DOCK10: variants seen among roughly 807,000 people sequenced by gnomAD.
The protein encoded by DOCK10 is dedicator of cytokinesis 10.
A neutral mutation model predicts 280.1 loss-of-function variants in DOCK10; 145 were observed. That is an observed-to-expected ratio of 0.52 (90% CI 0.45 to 0.59). The LOEUF (loss-of-function observed/expected upper bound fraction) is 0.59, where lower values mean the gene tolerates loss of function less well. DOCK10 is among the 20% of genes least tolerant of loss of function. DOCK10 has a pLI of 0.00. For missense variants in DOCK10, 2,368 were observed against 2,651.7 expected (o/e 0.89, Z 2.35); for synonymous variants, 915 against 942.2 (o/e 0.97, Z 0.53).
chr2:224,846,259 A>G (rs541442916), intron 19 of DOCK10, among the ~76,000 whole-genome samples: 62 of 152,352 alleles, frequency 4.1e-4, no homozygotes, highest in African/African-American at 1.5e-3. Context: ...ACACACACAA[A>G]TGTAACTGCA....
At chr2:224,917,756 T>C (rs537633536) in intron 2 of DOCK10, among the ~76,000 whole-genome samples, 1 of 152,326 alleles carries the variant, frequency 6.6e-6, no homozygotes, top group Non-Finnish European at 1.5e-5. Context: ...CAGAATTTCA[T>C]AGATTATTGC....
intron 1 of DOCK10, among the ~76,000 whole-genome samples, chr2:224,950,135 C>A (rs1322621330): frequency 6.6e-6 from 1 of 152,190 alleles, no homozygotes; most frequent in Non-Finnish European, 1.5e-5. Flanking sequence ...CATTCGGTAG[C>A]TACATGCAGG....
In DOCK10 at chr2:225,028,048, T is replaced by A. The variant is rs188688413; in HGVS notation, c.123+14204A>T. On this transcript the variant is annotated intron_variant, in intron 1 of 55. Transcript: ENST00000258390. ...ATGCACTTTCTGAGCATTTTTATAA[T>A]AGGCCCCACAAAGATGTCCACACCC... is the stretch of plus-strand genomic sequence containing the variant. Among the ~76,000 whole-genome samples, 33 of 152,278 alleles carry A rather than the reference T, an allele frequency of 2.2e-4. No homozygotes were observed. In the East Asian group the frequency reaches 6.2e-3, roughly 28 times the overall value.
intron 1 of DOCK10, among the ~76,000 whole-genome samples, chr2:224,979,741 T>C (rs1377920120): frequency 6.6e-6 from 1 of 152,248 alleles, no homozygotes; most frequent in Non-Finnish European, 1.5e-5. Context: ...CACATCCCTA[T>C]TGAACGTCTT....
chr2:224,964,761 A>G (rs867877002), intron 1 of DOCK10, among the ~76,000 whole-genome samples: 12 of 152,226 alleles, frequency 7.9e-5, no homozygotes, highest in Non-Finnish European at 5.9e-5. Flanking sequence ...CATGCCCTCA[A>G]AAATGCAGAT....
At position 224,914,941 on chromosome 2, in the gene DOCK10, CAGTAATTAACAGTAAGAATTAATTCATTA is replaced by C. The variant is rs1391392298; in HGVS notation, c.333+1725_333+1753del. On this transcript the variant is annotated intron_variant, in intron 3 of 55. Transcript: ENST00000258390. ...GAAATCAACAGCTTTTGAAAAATATCAGTAATTAACAGTAAGAATTAATTCATTAAGTAATTAACAGTAAGAAAAAGAAA... is the reference window on the plus strand; with the variant it reads ...GAAATCAACAGCTTTTGAAAAATATCAGTAATTAACAGTAAGAAAAAGAAA... Among the ~76,000 whole-genome samples the C allele has an allele frequency of 2.0e-5, 3 of 151,992 alleles. 1 individual carries two copies. Among genetic ancestry groups the C allele is most frequent in the South Asian group, 4.2e-4 (2 of 4,816 alleles).
chr2:224,886,367 C>T (rs1160066695), intron 5 of DOCK10, 92 bp downstream of exon 5: 2 of 1,479,294 alleles, frequency 1.4e-6, no homozygotes, highest in Non-Finnish European at 1.9e-6. Flanking sequence ...CTACAGCTTA[C>T]AACAAACCGG....
chr2:225,018,730 T>TAA (rs1390751854), intron 1 of DOCK10, among the ~76,000 whole-genome samples: 1 of 53,546 alleles, frequency 1.9e-5, no homozygotes, highest in Non-Finnish European at 4.7e-5. Flanking sequence ...AGATTTCATG[T>TAA]AAATATATAT....
chr2:224,784,304 A>C (rs1360156208), intron 50 of DOCK10, among the ~76,000 whole-genome samples: 1 of 152,200 alleles, frequency 6.6e-6, no homozygotes, highest in African/African-American at 2.4e-5. Flanking sequence ...GGTGCTTACC[A>C]ATAACCATCA....
rs529902911 is a variant in DOCK10 at position 224,939,710 on chromosome 2, CTA to C, written c.124-8044_124-8043del. ...GCTGTCACCAGCTTAACCTCAGATA[CTA>C]TCTTATTATTTTTAATAATCACAAA... On this transcript the variant is annotated intron_variant, in intron 1 of 55. Coordinates refer to ENST00000258390, the MANE Select transcript of DOCK10 (RefSeq NM_014689.3). 8.8e-3 allele frequency among the ~76,000 whole-genome samples: 1,340 copies of C among 152,326 alleles called. 19 individuals carry two copies. The highest frequency in any genetic ancestry group is 0.033 in the South Asian group (160 of 4,826).
intron 7 of DOCK10, among the ~76,000 whole-genome samples, chr2:224,883,510 G>A (rs997220467): frequency 6.6e-6 from 1 of 152,178 alleles, no homozygotes; most frequent in African/African-American, 2.4e-5. Context: ...GGAAGAATTA[G>A]GGGAGAAAGG....
intron 3 of DOCK10, among the ~76,000 whole-genome samples, chr2:224,902,477 A>G (rs761695375): frequency 3.3e-5 from 5 of 152,206 alleles, no homozygotes; most frequent in Non-Finnish European, 5.9e-5. Flanking sequence ...AATTGTGGCT[A>G]TTGTATAAAT....
chr2:224,802,667 G>C (rs1197846938), intron 39 of DOCK10, among the ~76,000 whole-genome samples: 1 of 152,128 alleles, frequency 6.6e-6, no homozygotes, highest in Non-Finnish European at 1.5e-5. Context: ...TGGGAAAAAT[G>C]AGCCAGTGTT....
chr2:224,886,450 T>C lies in DOCK10; in HGVS notation c.489+9A>G. ...GTTTTAAACATCTCACTTTCAACTA[T>C]TTACTTACTTCATCCTTATCAGCAT... On this transcript the variant is annotated intron_variant, in intron 5 of 55. Coordinates refer to ENST00000258390, the MANE Select transcript of DOCK10 (RefSeq NM_014689.3). The C allele has an allele frequency of 6.2e-7, 1 of 1,605,736 alleles. No individual in the cohort carries two copies. Among genetic ancestry groups the C allele is most frequent in the Non-Finnish European group, 8.5e-7 (1 of 1,174,218 alleles).
At chr2:224,894,240 C>T (rs1031608605) in intron 4 of DOCK10, among the ~76,000 whole-genome samples, 2 of 152,084 alleles carry the variant, frequency 1.3e-5, no homozygotes, top group African/African-American at 4.8e-5. Context: ...TTGGTTTTTT[C>T]TAGAGATGCT....
chr2:224,934,589 A>G (rs1344221252), intron 1 of DOCK10, among the ~76,000 whole-genome samples: 1 of 152,210 alleles, frequency 6.6e-6, no homozygotes, highest in Non-Finnish European at 1.5e-5. Context: ...GTCCGCAGCA[A>G]GGGAGCTGCC....
chr2:224,884,586 G>T (rs1453968482), intron 7 of DOCK10, among the ~76,000 whole-genome samples: 1 of 152,186 alleles, frequency 6.6e-6, no homozygotes, highest in African/African-American at 2.4e-5. Context: ...GAATTATTCT[G>T]CTTCCCTTTG....
At chr2:224,836,499 G>C (rs1559522089) in intron 25 of DOCK10, among the ~76,000 whole-genome samples, 1 of 152,092 alleles carries the variant, frequency 6.6e-6, no homozygotes, top group Non-Finnish European at 1.5e-5. Flanking sequence ...AAAACATATG[G>C]ATATAAAAAC....
At chr2:225,030,146 TAAA>T (rs75138059) in intron 1 of DOCK10, among the ~76,000 whole-genome samples, 10 of 119,290 alleles carry the variant, frequency 8.4e-5, no homozygotes, top group African/African-American at 2.7e-4. Context: ...ACTCTGTCTT[TAAA>T]AAAAAAAAAA....
Sources: allele counts gnomAD v4.1 joint callset (sites outside exome capture counted in the v4.1 genomes callset), GRCh38; gene constraint gnomAD v4.1.1; transcripts MANE v1.5; gene names NCBI Gene and HGNC (gene_info 2026-07-23, HGNC 2026-07-21).